Variants in KIF13B observed in about 807,000 individuals in gnomAD.
KIF13B encodes the protein kinesin family member 13B.
In KIF13B, 127 loss-of-function variants were observed where a neutral mutation model predicts 222.0. The observed-to-expected ratio is 0.57, with a 90% CI of 0.50 to 0.66. The LOEUF (loss-of-function observed/expected upper bound fraction) is 0.66, where lower values mean the gene tolerates loss of function less well. KIF13B is among the 30% of genes least tolerant of loss of function. KIF13B has a pLI of 0.00. For missense variants in KIF13B, 2,173 were observed against 2,379.0 expected, an observed-to-expected ratio of 0.91 and a Z score of 1.80; for synonymous variants, 976 against 919.0, an observed-to-expected ratio of 1.06 and a Z score of -1.12.
intron 2 of KIF13B, among the ~76,000 whole-genome samples, chr8:29,199,914 C>T (rs1343960100): frequency 6.6e-6 from 1 of 152,104 alleles, no homozygotes; most frequent in Non-Finnish European, 1.5e-5. Context: ...TTTATAGAAA[C>T]TCCAAAGTGT....
chr8:29,260,879 A>G (rs1816656505), intron 1 of KIF13B, among the ~76,000 whole-genome samples: 1 of 152,168 alleles, frequency 6.6e-6, no homozygotes, highest in Admixed American at 6.5e-5. Context: ...CGGCCTCCCA[A>G]AGTGCTGGGA....
intron 37 of KIF13B, among the ~76,000 whole-genome samples, chr8:29,075,819 A>G (rs1464153685): frequency 6.6e-6 from 1 of 152,212 alleles, no homozygotes; most frequent in Non-Finnish European, 1.5e-5. Context: ...ACAGGTCTGC[A>G]GAAGGCCCTG....
intron 18 of KIF13B, among the ~76,000 whole-genome samples, chr8:29,144,857 A>C (rs1810983351): frequency 6.6e-6 from 1 of 152,272 alleles, no homozygotes; most frequent in Non-Finnish European, 1.5e-5. Flanking sequence ...AGCCTAACTA[A>C]GGAGAGATGC....
At chr8:29,184,385 C>G (rs964998756) in intron 6 of KIF13B, among the ~76,000 whole-genome samples, 1 of 152,054 alleles carries the variant, frequency 6.6e-6, no homozygotes, top group Non-Finnish European at 1.5e-5. Flanking sequence ...TTATTGAGCA[C>G]TTACTGTATG....
chr8:29,219,701 C>T (rs1265842648), intron 2 of KIF13B, among the ~76,000 whole-genome samples: 3 of 151,890 alleles, frequency 2.0e-5, no homozygotes, highest in Non-Finnish European at 4.4e-5. Context: ...TTCAGTGAGC[C>T]AAGATTGTGT....
Position 29,134,072 on chromosome 8 carries a change from G to A in KIF13B, c.2752C>T (p.Pro918Ser), listed in dbSNP as rs1810458726. 1 of 1,613,868 alleles carries A rather than the reference G, an allele frequency of 6.2e-7. No homozygotes were observed. The highest frequency in any genetic ancestry group is 1.7e-5 in the Admixed American group (1 of 59,994). ...DTSSSSVSKEPHCMVVFDHCN... is the reference protein window; with the variant it reads ...DTSSSSVSKESHCMVVFDHCN... The stretch of plus-strand genomic sequence containing the variant: ...TGATCAAAGACAACCATGCAGTGCG[G>A]CTCCTTGCTGACGGAAGAGGAGGAG... The change falls in exon 22 of 40, where the codon CCG becomes TCG. Residue 918 changes from proline to serine, a missense_variant. By Grantham distance (74) the Pro-to-Ser change is moderately conservative. Coordinates refer to ENST00000524189, the MANE Select transcript of KIF13B (RefSeq NM_015254.4).
chr8:29,071,578 A>AC lies in KIF13B; in HGVS notation c.5218+41dup, dbSNP rs1807275856. The AC allele has an allele frequency of 6.6e-7, 1 of 1,507,750 alleles. No individual in the cohort carries two copies. 93.4% of individuals were successfully genotyped at this position (1,507,750 alleles called of 1,614,324 possible). A position where few individuals can be genotyped will look rare whatever the true frequency, so the allele number is the denominator to read the frequency against. On this transcript the variant is annotated intron_variant, in intron 39 of 39. Transcript: ENST00000524189. The surrounding 1 kb of genome is among the most constrained non-coding windows in gnomAD (Gnocchi z 4.9). ...GCCGGCCACGTTCCTGCTTCCCCAGACCCCCGGCACCACCCTGGAGCCCGG... is the reference window on the plus strand; with the variant it reads ...GCCGGCCACGTTCCTGCTTCCCCAGACCCCCCGGCACCACCCTGGAGCCCGG...
Position 29,132,377 on chromosome 8 carries a change from T to G in KIF13B, c.2873A>C (p.Asp958Ala). 1 of 1,594,448 alleles carries G rather than the reference T, an allele frequency of 6.3e-7. No individual in the cohort carries two copies. Among genetic ancestry groups the G allele is most frequent in the Non-Finnish European group, 8.6e-7 (1 of 1,169,460 alleles). The change falls in exon 23 of 40, where the codon GAT becomes GCT. Residue 958 changes from aspartate to alanine, a missense_variant. Around this residue, in one of 2 missense-constraint regions of KIF13B, gnomAD observed 1,480 missense variants for 1,722.8 expected, o/e 0.86. Coordinates refer to ENST00000524189, the MANE Select transcript of KIF13B (RefSeq NM_015254.4). ...AIEVYGHKIN[D>A]PRKNPALWDL... The stretch of plus-strand genomic sequence containing the variant: ...CCACAGGGCGGGGTTTTTCCGGGGA[T>G]CGTTTATTTTATGTCCATATACTTC...
chr8:29,162,060 A>T (rs1431864704), intron 12 of KIF13B, among the ~76,000 whole-genome samples: 2 of 152,206 alleles, frequency 1.3e-5, no homozygotes, highest in Non-Finnish European at 1.5e-5. Context: ...ATATATGAAC[A>T]TCTGTACATC....
In KIF13B at chr8:29,167,590, A is replaced by T. The variant is rs1233061598; in HGVS notation, c.946-5T>A. The T allele has an allele frequency of 6.2e-7, 1 of 1,611,870 alleles. No homozygotes were observed. The highest frequency in any genetic ancestry group is 8.5e-7 in the Non-Finnish European group (1 of 1,177,924). ...GCTGTTACCCCCGAGGCTGTCCTAC[A>T]GGAGAAAACAGAAAGTTGAGTAGCA... On this transcript the variant is annotated splice_polypyrimidine_tract_variant and splice_region_variant and intron_variant, in intron 10 of 39. Transcript: ENST00000524189.
chr8:29,248,321 T>A (rs1180823574), intron 1 of KIF13B, among the ~76,000 whole-genome samples: 1 of 152,188 alleles, frequency 6.6e-6, no homozygotes, highest in Non-Finnish European at 1.5e-5. Flanking sequence ...AAATGTGGCA[T>A]ATCCCTAGCG....
At chr8:29,206,727 T>A (rs1813960237) in intron 2 of KIF13B, among the ~76,000 whole-genome samples, 1 of 152,222 alleles carries the variant, frequency 6.6e-6, no homozygotes, top group African/African-American at 2.4e-5. Flanking sequence ...ACAAAAACCT[T>A]GCCCTGCAAG....
chr8:29,075,010 A>C (rs1464251237), intron 38 of KIF13B, among the ~76,000 whole-genome samples: 1 of 152,226 alleles, frequency 6.6e-6, no homozygotes, highest in Non-Finnish European at 1.5e-5. Flanking sequence ...TGTTTATAGA[A>C]ATCTCCTCTG....
chr8:29,173,673 G>C (rs1812349608), intron 10 of KIF13B, among the ~76,000 whole-genome samples: 1 of 151,848 alleles, frequency 6.6e-6, no homozygotes. Flanking sequence ...GCCAGTCGCA[G>C]TGGCTCATGC....
intron 2 of KIF13B, among the ~76,000 whole-genome samples, chr8:29,217,459 G>C (rs1814537327): frequency 6.6e-6 from 1 of 152,152 alleles, no homozygotes; most frequent in Admixed American, 6.5e-5. Context: ...ATAAAATGTA[G>C]CCAACAAGAG....
intron 14 of KIF13B, 30 bp downstream of exon 14, chr8:29,155,696 G>T (rs368810794): frequency 1.3e-6 from 2 of 1,585,532 alleles, no homozygotes; most frequent in Non-Finnish European, 1.7e-6. Context: ...AAAAACTCTT[G>T]TGATATGAAC....
chr8:29,148,018 C>A (rs369425293), intron 16 of KIF13B, among the ~76,000 whole-genome samples: 1 of 152,124 alleles, frequency 6.6e-6, no homozygotes, highest in African/African-American at 2.4e-5. Context: ...GCCGACATGG[C>A]GAAACCTTGT....
chr8:29,214,995 T>C (rs1814408224), intron 2 of KIF13B, among the ~76,000 whole-genome samples: 1 of 152,194 alleles, frequency 6.6e-6, no homozygotes, highest in Non-Finnish European at 1.5e-5. Context: ...AATACTCTGC[T>C]GGAGAGACAA....
intron 35 of KIF13B, among the ~76,000 whole-genome samples, chr8:29,099,813 T>C (rs541086846): frequency 6.6e-6 from 1 of 152,318 alleles, no homozygotes; most frequent in Non-Finnish European, 1.5e-5. Flanking sequence ...ACATGTTTTC[T>C]ACTCTGCATC....
Sources: allele counts gnomAD v4.1 joint callset (sites outside exome capture counted in the v4.1 genomes callset), GRCh38; gene constraint gnomAD v4.1.1; regional missense constraint gnomAD v4.1.1; non-coding constraint Gnocchi (gnomAD v3.1); transcripts MANE v1.5; gene names NCBI Gene and HGNC (gene_info 2026-07-23, HGNC 2026-07-21).